The following TTC19 variants were observed in gnomAD, a reference collection of about 807,000 sequenced individuals.
The protein encoded by TTC19 is tetratricopeptide repeat domain 19.
Under a neutral mutation model 49.5 loss-of-function variants are expected in TTC19, and 38 were observed. That is an observed-to-expected ratio of 0.77 (90% CI 0.59 to 1.01). TTC19 has a LOEUF of 1.01. TTC19 is among the 50% of genes least tolerant of loss of function. The pLI is 0.00. For missense variants in TTC19, 475 were observed against 477.7 expected, an observed-to-expected ratio of 0.99 and a Z score of 0.05; for synonymous variants, 204 against 185.2, an observed-to-expected ratio of 1.10 and a Z score of -0.83.
chr17:16,020,419 G>T (rs534918605), intron 7 of TTC19, among the ~76,000 whole-genome samples: 1 of 151,996 alleles, frequency 6.6e-6, no homozygotes, highest in Admixed American at 6.6e-5. Flanking sequence ...TTGTATTTTT[G>T]TGGGTTACGT....
chr17:16,027,642 A>G lies in TTC19; in HGVS notation c.*120A>G, dbSNP rs1362797143. The G allele has an allele frequency of 3.2e-6, 4 of 1,243,190 alleles. No individual in the cohort carries two copies. The highest frequency in any genetic ancestry group is 2.5e-5 in the East Asian group (1 of 40,454). 77.0% of individuals were successfully genotyped at this position (1,243,190 alleles called of 1,614,324 possible). ...CGTTTTTGATATTCAGGTTTCCTCA[A>G]TTTAGCCTTAGTGAAGGAGGGGTTG... On this transcript the variant is annotated 3_prime_UTR_variant, in exon 10 of 10. Coordinates refer to ENST00000261647, the MANE Select transcript of TTC19 (RefSeq NM_017775.4).
At chr17:16,003,255 T>C (rs779589679) in intron 4 of TTC19, among the ~76,000 whole-genome samples, 1 of 152,134 alleles carries the variant, frequency 6.6e-6, no homozygotes, top group Non-Finnish European at 1.5e-5. Context: ...TAAAATTGAC[T>C]GAATTTTTTT....
At chr17:16,015,214 A>G (rs1037796482) in intron 7 of TTC19, among the ~76,000 whole-genome samples, 5 of 152,170 alleles carry the variant, frequency 3.3e-5, no homozygotes, top group African/African-American at 1.2e-4. Context: ...AGAGTCTGTG[A>G]TGCCAGATGG....
intron 7 of TTC19, chr17:16,024,275 A>G (rs1034748907): frequency 6.9e-6 from 1 of 144,344 alleles, no homozygotes; most frequent in Non-Finnish European, 1.5e-5. Flanking sequence ...GCTTGTTTAA[A>G]TTTTACCTTA....
chr17:16,023,412 T>G (rs1971443872), intron 7 of TTC19: 1 of 152,234 alleles, frequency 6.6e-6, no homozygotes, highest in Admixed American at 6.5e-5. Flanking sequence ...GCTTTTATCA[T>G]TTTCACATTG....
In TTC19 at chr17:16,028,416, C is replaced by CT. The variant is rs1470002373; in HGVS notation, c.*899dup. The CT allele has an allele frequency of 2.2e-6, 1 of 454,082 alleles. No homozygotes were observed. The highest frequency in any genetic ancestry group is 2.3e-5 in the Admixed American group (1 of 42,568). The allele number at this position is 454,082 out of a possible 1,614,324, so 28.1% of individuals were successfully genotyped here. A position where few individuals can be genotyped will look rare whatever the true frequency, so the allele number is the denominator to read the frequency against. On this transcript the variant is annotated 3_prime_UTR_variant, in exon 10 of 10. Transcript: ENST00000261647. ...TACTGACCTGGATCTTAGTCCTAGC[C>CT]TTTTTGCTTTTGCAATTTCAGTATC...
At chr17:16,023,375 T>C (rs1971442898) in intron 7 of TTC19, 1 of 152,254 alleles carries the variant, frequency 6.6e-6, no homozygotes, top group Non-Finnish European at 1.5e-5. Flanking sequence ...CTGAACATCT[T>C]TTTAAATCGT....
rs1234223184 is a variant in TTC19 at position 16,029,362 on chromosome 17, AGTGAATTG to A, written c.*1843_*1850del. 2 of 378,268 alleles carry A rather than the reference AGTGAATTG, an allele frequency of 5.3e-6. No individual in the cohort carries two copies. The highest frequency in any genetic ancestry group is 1.0e-5 in the Non-Finnish European group (2 of 191,684). The allele number at this position is 378,268 out of a possible 1,614,324, so 23.4% of individuals were successfully genotyped here. ...CTTTACTGATTGGTCTAAATTCAAAAGTGAATTGGTTAAAATCGTGTCATTAAAATTTT... is the reference window on the plus strand; with the variant it reads ...CTTTACTGATTGGTCTAAATTCAAAAGTTAAAATCGTGTCATTAAAATTTT... On this transcript the variant is annotated 3_prime_UTR_variant, in exon 10 of 10. Transcript: ENST00000261647.
chr17:16,025,283 T>C, intron 8 of TTC19, 112 bp downstream of exon 8: 1 of 1,141,258 alleles, frequency 8.8e-7, no homozygotes, highest in Non-Finnish European at 1.3e-6. Flanking sequence ...TAGATCCTCC[T>C]TGGTCCCCAG....
At chr17:16,025,726 TAGATG>T (rs1971533129) in intron 8 of TTC19, among the ~76,000 whole-genome samples, 1 of 152,174 alleles carries the variant, frequency 6.6e-6, no homozygotes, top group African/African-American at 2.4e-5. Flanking sequence ...AGTAAGTTCT[TAGATG>T]TAAGGAGTGC....
downstream of TTC19, chr17:16,031,025 T>G (rs531743770): frequency 5.6e-5 from 11 of 196,018 alleles, no homozygotes; most frequent in South Asian, 1.9e-3. Flanking sequence ...CTATGATAAA[T>G]TGTATGAAAA....
chr17:16,004,016 T>G, intron 5 of TTC19, 129 bp downstream of exon 5: 11 of 1,154,734 alleles, frequency 9.5e-6, no homozygotes, highest in Non-Finnish European at 1.4e-5. Context: ...CTGAGATCTC[T>G]ATACAAATTG....
rs1317958048 is a variant in TTC19 at position 16,000,174 on chromosome 17, G to A, written c.241G>A (p.Asp81Asn). The A allele has an allele frequency of 1.3e-6, 2 of 1,591,900 alleles. No individual in the cohort carries two copies. Among genetic ancestry groups the A allele is most frequent in the Non-Finnish European group, 1.7e-6 (2 of 1,177,750 alleles). The part of the protein sequence containing the change: ...AAEEEEQQGA[D>N]GAAAEDGADE... ...AGAGGAGGAGGAGCAGCAGGGAGCC[G>A]ACGGGGCCGCTGCCGAGGACGGGGC... is the stretch of plus-strand genomic sequence containing the variant. The change falls in exon 2 of 10, where the codon GAC (aspartate) becomes AAC (asparagine). Residue 81 changes from aspartate (D) to asparagine (N), a missense_variant. Asp to Asn is a conservative substitution (Grantham distance 23, BLOSUM62 1). Coordinates refer to ENST00000261647, the MANE Select transcript of TTC19 (RefSeq NM_017775.4).
At chr17:16,042,793 A>G (rs2057976215) in intron 2 of TTC19, among the ~76,000 whole-genome samples, 1 of 152,184 alleles carries the variant, frequency 6.6e-6, no homozygotes, top group Non-Finnish European at 1.5e-5. Context: ...GAGGTAGAAC[A>G]TGGATTCAAT....
At chr17:16,038,582 G>A (rs943933662) in intron 2 of TTC19, among the ~76,000 whole-genome samples, 13 of 151,792 alleles carry the variant, frequency 8.6e-5, no homozygotes, top group South Asian at 2.1e-4. Flanking sequence ...GGACTACAGC[G>A]TGAGCCACCA....
chr17:16,002,576 C>CAAA, intron 3 of TTC19: 3 of 583,512 alleles, frequency 5.1e-6, no homozygotes, highest in Non-Finnish European at 9.1e-6. Context: ...GATGAGTGGA[C>CAAA]CTAGATTTGG....
chr17:16,029,459 T>C (rs1189134246), downstream of TTC19: 1 of 282,282 alleles, frequency 3.5e-6, no homozygotes, highest in African/African-American at 2.2e-5. Context: ...AATCACTCAG[T>C]GTACCAAAAT....
intron 3 of TTC19, chr17:16,002,526 A>G (rs918314225): frequency 2.0e-6 from 1 of 497,112 alleles, no homozygotes; most frequent in Non-Finnish European, 3.6e-6. Flanking sequence ...TCTCAATTCC[A>G]GACCAAAAAA....
At chr17:16,026,856 T>G in intron 9 of TTC19, 154 bp downstream of exon 9, 3 of 798,810 alleles carry the variant, frequency 3.8e-6, no homozygotes, top group South Asian at 1.5e-5. Context: ...AGGTATTGAT[T>G]AGGTTGAAGT....
Sources: allele counts gnomAD v4.1 joint callset (sites outside exome capture counted in the v4.1 genomes callset), GRCh38; gene constraint gnomAD v4.1.1; transcripts MANE v1.5; gene names NCBI Gene and HGNC (gene_info 2026-07-23, HGNC 2026-07-21).